SHTN1: variants seen among roughly 807,000 people sequenced by gnomAD.
SHTN1 encodes shootin 1.
In SHTN1, 42 loss-of-function variants were observed where a neutral mutation model predicts 83.1. That is an observed-to-expected ratio of 0.51 (90% CI 0.39 to 0.65). The LOEUF is 0.65. Ranked by LOEUF, SHTN1 falls within the 30% of genes least tolerant of loss-of-function variation. The probability of loss-of-function intolerance (pLI) is 0.00; values close to 1 mark genes in which losing one functional copy is unlikely to be tolerated. For missense variants in SHTN1, 622 were observed against 737.8 expected (o/e 0.84, Z 1.82); for synonymous variants, 224 against 247.7 (o/e 0.90, Z 0.90).
At chr10:116,968,167 C>T (rs145962722) in intron 3 of SHTN1, among the ~76,000 whole-genome samples, 1 of 151,920 alleles carries the variant, frequency 6.6e-6, no homozygotes, top group East Asian at 1.9e-4. Context: ...AGTGACAGAG[C>T]GAGACTCCAT....
chr10:116,988,624 A>G (rs1379280810), intron 1 of SHTN1, among the ~76,000 whole-genome samples: 1 of 151,576 alleles, frequency 6.6e-6, no homozygotes, highest in Non-Finnish European at 1.5e-5. Context: ...TTATAGCTCA[A>G]TGTAACCCCA....
intron 5 of SHTN1, 70 bp from the exon 6 acceptor site, chr10:116,952,076 GA>G (rs1181774291): frequency 2.6e-6 from 2 of 774,062 alleles, no homozygotes; most frequent in Non-Finnish European, 3.8e-6. Flanking sequence ...CTGGTCAAAA[GA>G]ATTGAAAATG....
chr10:117,026,500 G>A (rs1323682413), intron 2 of SHTN1, among the ~76,000 whole-genome samples: 1 of 150,514 alleles, frequency 6.6e-6, no homozygotes, highest in Non-Finnish European at 1.5e-5. Flanking sequence ...TCAGCTCACT[G>A]CAACCTCCTT....
chr10:117,034,221 AC>A (rs1852461908), intron 2 of SHTN1, among the ~76,000 whole-genome samples: 1 of 152,212 alleles, frequency 6.6e-6, no homozygotes, highest in Non-Finnish European at 1.5e-5. Flanking sequence ...GGGCATCCAA[AC>A]TGGAAAGGAA....
At chr10:117,031,937 T>G (rs772282463) in intron 2 of SHTN1, among the ~76,000 whole-genome samples, 3 of 151,816 alleles carry the variant, frequency 2.0e-5, no homozygotes, top group Non-Finnish European at 2.9e-5. Context: ...TGGACTAAAC[T>G]CCAATCAAAA....
At chr10:116,957,462 C>T (rs899236634) in intron 4 of SHTN1, among the ~76,000 whole-genome samples, 3 of 151,652 alleles carry the variant, frequency 2.0e-5, no homozygotes, top group African/African-American at 2.4e-5. Flanking sequence ...CCATGTTTGC[C>T]AGGATGGTCT....
chr10:116,946,913 G>C (rs1849615654), intron 7 of SHTN1, among the ~76,000 whole-genome samples: 1 of 151,730 alleles, frequency 6.6e-6, no homozygotes, highest in African/African-American at 2.4e-5. Context: ...TAGAGACGAG[G>C]TTTTACCATG....
intron 1 of SHTN1, among the ~76,000 whole-genome samples, chr10:116,998,028 C>T (rs984668549): frequency 6.6e-6 from 1 of 152,072 alleles, no homozygotes; most frequent in African/African-American, 2.4e-5. Context: ...GGAGGCGGAG[C>T]TTGCAGTGAG....
intron 1 of SHTN1, among the ~76,000 whole-genome samples, chr10:117,108,720 CAA>C (rs1853710411): frequency 6.6e-6 from 1 of 150,776 alleles, no homozygotes; most frequent in African/African-American, 2.4e-5. Flanking sequence ...AATTTAAAAA[CAA>C]GAAAAAAAAA....
chr10:116,925,036 G>T (rs1186977360), intron 11 of SHTN1, among the ~76,000 whole-genome samples: 1 of 152,130 alleles, frequency 6.6e-6, no homozygotes, highest in Non-Finnish European at 1.5e-5. Context: ...GATTACAGGC[G>T]TGAGCCACTG....
chr10:116,963,759 G>A lies in SHTN1; in HGVS notation c.173-3529C>T, dbSNP rs377706257. On this transcript the variant is annotated intron_variant, in intron 3 of 16. Coordinates refer to ENST00000355371, the MANE Select transcript of SHTN1 (RefSeq NM_001127211.3). ...CCAGAAAACTGGAACATGGGGATTCGTTAAATTATTTTCCCGCCTTTGCAT... is the reference window on the plus strand; with the variant it reads ...CCAGAAAACTGGAACATGGGGATTCATTAAATTATTTTCCCGCCTTTGCAT... 1.2e-4 allele frequency among the ~76,000 whole-genome samples: 19 copies of A among 152,196 alleles called. No homozygotes were observed. In the South Asian group the frequency reaches 3.3e-3, roughly 27 times the overall value.
upstream of SHTN1, among the ~76,000 whole-genome samples, chr10:117,005,884 C>G (rs1851998172): frequency 6.6e-6 from 1 of 152,218 alleles, no homozygotes; most frequent in Non-Finnish European, 1.5e-5. Context: ...GGATGACCTT[C>G]CCTTTAGAGA....
chr10:116,987,357 C>A (rs1388440542), intron 1 of SHTN1, among the ~76,000 whole-genome samples: 1 of 152,126 alleles, frequency 6.6e-6, no homozygotes, highest in African/African-American at 2.4e-5. Context: ...CAACTTGATT[C>A]CTAATTGCCA....
chr10:117,058,845 T>C (rs1852861594), intron 1 of SHTN1, among the ~76,000 whole-genome samples: 1 of 152,160 alleles, frequency 6.6e-6, no homozygotes. Context: ...TACTACAACA[T>C]GGATAAAACT....
chr10:116,914,379 G>A (rs1848306236), intron 13 of SHTN1, among the ~76,000 whole-genome samples: 1 of 152,058 alleles, frequency 6.6e-6, no homozygotes, highest in Admixed American at 6.5e-5. Flanking sequence ...GGCTGAGGCA[G>A]GAGAATCGCT....
At chr10:117,054,572 A>AT (rs1020910625) in intron 1 of SHTN1, among the ~76,000 whole-genome samples, 9 of 151,512 alleles carry the variant, frequency 5.9e-5, no homozygotes, top group African/African-American at 2.2e-4. Context: ...TGCCTGGCTA[A>AT]TTTTTTTAAT....
At chr10:116,900,490 A>G (rs1564865662) in intron 16 of SHTN1, 1 of 1,465,774 alleles carries the variant, frequency 6.8e-7, no homozygotes, top group East Asian at 2.5e-5. Context: ...TTGGAGAACA[A>G]AAGGCAGACA....
chr10:117,061,322 G>A (rs1321172798), intron 1 of SHTN1, among the ~76,000 whole-genome samples: 2 of 150,888 alleles, frequency 1.3e-5, no homozygotes, highest in African/African-American at 2.4e-5. Flanking sequence ...TCAGCCTCCC[G>A]AGTAGCTGGG....
intron 16 of SHTN1, chr10:116,900,602 A>G: frequency 6.5e-7 from 1 of 1,530,070 alleles, no homozygotes. Flanking sequence ...ATCAGAAACT[A>G]ACTTGTCTCA....
Sources: allele counts gnomAD v4.1 joint callset (sites outside exome capture counted in the v4.1 genomes callset), GRCh38; gene constraint gnomAD v4.1.1; transcripts MANE v1.5; gene names NCBI Gene and HGNC (gene_info 2026-07-23, HGNC 2026-07-21).